The following B3GALNT1 variants were observed in gnomAD, a reference collection of about 807,000 sequenced individuals.
B3GALNT1 encodes the protein beta-1,3-N-acetylgalactosaminyltransferase 1 (Globoside blood group).
A neutral mutation model predicts 27.3 loss-of-function variants in B3GALNT1; 17 were observed. The observed-to-expected ratio is 0.62, with a 90% confidence interval of 0.43 to 0.94. The LOEUF is 0.94. B3GALNT1 is among the 40% of genes least tolerant of loss of function. The pLI, the probability that B3GALNT1 is intolerant of heterozygous loss-of-function variation, is 0.00. For synonymous variants in B3GALNT1, 141 were observed against 144.0 expected (o/e 0.98, Z 0.15); for missense variants, 347 against 390.0 (o/e 0.89, Z 0.93).
chr3:161,100,977 G>T (rs1413119038), intron 4 of B3GALNT1, among the ~76,000 whole-genome samples, 162 bp downstream of exon 4: 1 of 152,104 alleles, frequency 6.6e-6, no homozygotes, highest in Non-Finnish European at 1.5e-5. Flanking sequence ...TGCAGCCCAG[G>T]TAGAGGAAGA....
chr3:161,095,709 GC>G (rs1293214420), intron 4 of B3GALNT1, among the ~76,000 whole-genome samples: 2 of 152,226 alleles, frequency 1.3e-5, no homozygotes, highest in Non-Finnish European at 2.9e-5. Context: ...GCCAGGGAGT[GC>G]AGCTGCAAGG....
intron 4 of B3GALNT1, among the ~76,000 whole-genome samples, chr3:161,095,830 G>C (rs1727856814): frequency 6.6e-6 from 1 of 152,168 alleles, no homozygotes; most frequent in South Asian, 2.1e-4. Flanking sequence ...TGATTAAAAA[G>C]CTGCTGAATA....
intron 4 of B3GALNT1, among the ~76,000 whole-genome samples, chr3:161,100,394 T>C (rs1407005262): frequency 6.6e-6 from 1 of 152,204 alleles, no homozygotes; most frequent in East Asian, 1.9e-4. Flanking sequence ...AATTCTGCCC[T>C]TGAAACTCTG....
rs796775930 is a variant in B3GALNT1, at chr3:161,085,303, T to A, written c.*456A>T. 1.3e-5 allele frequency: 2 copies of A among 157,416 alleles called. No individual in the cohort carries two copies. The highest frequency in any genetic ancestry group is 3.7e-4 in the East Asian group (2 of 5,394). 9.8% of individuals were successfully genotyped at this position (157,416 alleles called of 1,614,324 possible). The stretch of plus-strand genomic sequence containing the variant: ...AAAACAGGTAAAATTTTGTTCAGTA[T>A]AACTTCAGTGAAGAAGTTTTTTGAC... On this transcript the variant is annotated 3_prime_UTR_variant, in exon 5 of 5. Transcript: ENST00000320474.
At position 161,088,784 on chromosome 3, in the gene B3GALNT1, T is replaced by C. The variant is rs540496992; in HGVS notation, c.-34-1996A>G. On this transcript the variant is annotated intron_variant, in intron 4 of 4. Coordinates refer to ENST00000320474, the MANE Select transcript of B3GALNT1 (RefSeq NM_003781.4). ...TTGGAAAAACAGAAGGCAAGTGTTG[T>C]AAGAGGTGCCATTTATAATTGCATA... 2.8e-4 allele frequency among the ~76,000 whole-genome samples: 42 copies of C among 152,362 alleles called. 1 individual carries two copies. The highest frequency in any genetic ancestry group is 8.9e-4 in the African/African-American group (37 of 41,590).
intron 4 of B3GALNT1, among the ~76,000 whole-genome samples, chr3:161,091,472 C>T (rs527264306): frequency 8.5e-5 from 13 of 152,228 alleles, no homozygotes; most frequent in Admixed American, 2.0e-4. Flanking sequence ...GACAAAATCT[C>T]GCACCATCCT....
Position 161,092,914 on chromosome 3 carries a change from C to T in B3GALNT1, c.-34-6126G>A, listed in dbSNP as rs537542030. ...AGCTGGGACTACAGGTGCTCCACCACGCCCGGCTAATTTTTTGTATTTTTA... is the reference window on the plus strand; with the variant it reads ...AGCTGGGACTACAGGTGCTCCACCATGCCCGGCTAATTTTTTGTATTTTTA... On this transcript the variant is annotated intron_variant, in intron 4 of 4. Transcript: ENST00000320474. Among the ~76,000 whole-genome samples the T allele has an allele frequency of 2.9e-4, 44 of 152,042 alleles. 1 individual carries two copies. The South Asian group carries it at 7.9e-3, about 27-fold the overall frequency.
At position 161,086,182 on chromosome 3, in the gene B3GALNT1, C is replaced by T. The variant is rs1416444480; in HGVS notation, c.573G>A (p.Val191=). ...TDVFINTGNL[V]KYLLNLNHSE... The stretch of plus-strand genomic sequence containing the variant: ...AGTGGTTTAGGTTTAAAAGATACTT[C>T]ACTAAATTGCCAGTATTGATGAAAA... The change falls in exon 5 of 5, where the codon GTG becomes GTA. Residue 191 remains valine (V), a synonymous_variant. Transcript: ENST00000320474. 6.2e-7 allele frequency: 1 copy of T among 1,614,060 alleles called. No homozygotes were observed. Among genetic ancestry groups the T allele is most frequent in the South Asian group, 1.1e-5 (1 of 91,082 alleles).
rs1331175349 is a variant in B3GALNT1 at position 161,086,414 on chromosome 3, G to GT, written c.340dup (p.Thr114AsnfsTer10). ...AGCCTCTTGGCCTAATAAGAAAAATGTAAGAACCTCATATCCCCACCAAGA... is the reference window on the plus strand; with the variant it reads ...AGCCTCTTGGCCTAATAAGAAAAATGTTAAGAACCTCATATCCCCACCAAGA... On this transcript the variant is annotated frameshift_variant, in exon 5 of 5. Transcript: ENST00000320474. LOFTEE classifies it high-confidence loss of function. 3 of 1,613,822 alleles carry GT rather than the reference G, an allele frequency of 1.9e-6. No individual in the cohort carries two copies. In the African/African-American group the frequency reaches 4.0e-5, roughly 22 times the overall value.
intron 2 of B3GALNT1, 60 bp downstream of exon 2, chr3:161,104,259 C>T (rs1733076890): frequency 8.0e-7 from 1 of 1,252,980 alleles, no homozygotes. Flanking sequence ...GCTTAAGCCT[C>T]CTGGGAGAAG....
chr3:161,094,707 G>C (rs188075001), intron 4 of B3GALNT1, among the ~76,000 whole-genome samples: 1 of 152,184 alleles, frequency 6.6e-6, no homozygotes, highest in East Asian at 1.9e-4. Context: ...TTAGAGATGT[G>C]TCTTGCTATG....
At position 161,099,148 on chromosome 3, in the gene B3GALNT1, T is replaced by C. The variant is rs150916039; in HGVS notation, c.-35+1991A>G. ...AGTGTTCCACAAAAGTGCCAGAGACTTGTCCTCCTGCTGATGTTCTAAGGT... is the reference window on the plus strand; with the variant it reads ...AGTGTTCCACAAAAGTGCCAGAGACCTGTCCTCCTGCTGATGTTCTAAGGT... On this transcript the variant is annotated intron_variant, in intron 4 of 4. Coordinates refer to ENST00000320474, the MANE Select transcript of B3GALNT1 (RefSeq NM_003781.4). Among the ~76,000 whole-genome samples, 226 of 152,326 alleles carry C rather than the reference T, an allele frequency of 1.5e-3. 1 individual carries two copies. Among genetic ancestry groups the C allele is most frequent in the African/African-American group, 5.0e-3 (206 of 41,578 alleles).
Position 161,086,047 on chromosome 3 carries a change from T to G in B3GALNT1, c.708A>C (p.Pro236=). 6.3e-7 allele frequency: 1 copy of G among 1,592,056 alleles called. No individual in the cohort carries two copies. The highest frequency in any genetic ancestry group is 8.5e-7 in the Non-Finnish European group (1 of 1,171,258). Residue 236 remains proline, a synonymous_variant, in exon 5 of 5, where the codon CCA becomes CCC. Coordinates refer to ENST00000320474, the MANE Select transcript of B3GALNT1 (RefSeq NM_003781.4). ...YQEYPFKVFP[P]YCSGLGYIMS... is the part of the protein sequence containing the mutation. ...TTATATAACCCAACCCACTGCAGTA[T>G]GGAGGGAACACCTTGAAAGGATACT...
chr3:161,089,423 G>T (rs1284832029), intron 4 of B3GALNT1, among the ~76,000 whole-genome samples: 1 of 152,116 alleles, frequency 6.6e-6, no homozygotes, highest in African/African-American at 2.4e-5. Flanking sequence ...AAAATGACAT[G>T]ATGGCTACAA....
Position 161,085,710 on chromosome 3 carries a change from A to G in B3GALNT1, c.*49T>C, listed in dbSNP as rs1172025268. 1 of 1,600,780 alleles carries G rather than the reference A, an allele frequency of 6.2e-7. No homozygotes were observed. Among genetic ancestry groups the G allele is most frequent in the Non-Finnish European group, 8.6e-7 (1 of 1,168,120 alleles). On this transcript the variant is annotated 3_prime_UTR_variant, in exon 5 of 5. Transcript: ENST00000320474. ...TTCCACAGTACCTACTTTATTTAAC[A>G]CTTTCCACAAAGTATCCTGTCCTTC...
At chr3:161,100,546 A>G (rs1433397673) in intron 4 of B3GALNT1, among the ~76,000 whole-genome samples, 1 of 152,224 alleles carries the variant, frequency 6.6e-6, no homozygotes, top group Non-Finnish European at 1.5e-5. Context: ...AGACACATGT[A>G]AGTAAGACAT....
In B3GALNT1 at chr3:161,092,919, G is replaced by T. The variant is rs181007893; in HGVS notation, c.-34-6131C>A. On this transcript the variant is annotated intron_variant, in intron 4 of 4. Coordinates refer to ENST00000320474, the MANE Select transcript of B3GALNT1 (RefSeq NM_003781.4). ...GGACTACAGGTGCTCCACCACGCCCGGCTAATTTTTTGTATTTTTAGTAGA... is the reference window on the plus strand; with the variant it reads ...GGACTACAGGTGCTCCACCACGCCCTGCTAATTTTTTGTATTTTTAGTAGA... Among the ~76,000 whole-genome samples the T allele has an allele frequency of 4.1e-3, 623 of 151,824 alleles. 3 individuals are homozygous for T. The highest frequency in any genetic ancestry group is 0.014 in the African/African-American group (600 of 41,398).
intron 4 of B3GALNT1, among the ~76,000 whole-genome samples, chr3:161,099,285 G>A (rs1282113422): frequency 1.3e-5 from 2 of 151,332 alleles, no homozygotes; most frequent in African/African-American, 4.9e-5. Flanking sequence ...TTTGTAGGCA[G>A]GAAAAAAAAT....
At chr3:161,101,299 T>C (rs1345785004) in intron 3 of B3GALNT1, 66 bp from the exon 4 acceptor site, 4 of 996,506 alleles carry the variant, frequency 4.0e-6, no homozygotes, top group Non-Finnish European at 5.5e-6. Flanking sequence ...AAGCTGGGCT[T>C]TCTGTGTCTG....
Sources: allele counts gnomAD v4.1 joint callset (sites outside exome capture counted in the v4.1 genomes callset), GRCh38; gene constraint gnomAD v4.1.1; transcripts MANE v1.5; gene names NCBI Gene and HGNC (gene_info 2026-07-23, HGNC 2026-07-21).